Variants in CDKN2A observed in about 807,000 individuals in gnomAD.
The protein encoded by CDKN2A is cyclin-dependent kinase inhibitor 2A.
In CDKN2A, 3 loss-of-function variants were observed where a neutral mutation model predicts 11.1. The observed-to-expected ratio is 0.27, with a 90% CI of 0.12 to 0.70. The LOEUF (loss-of-function observed/expected upper bound fraction) is 0.70. Among genes scored for constraint, CDKN2A ranks in the 30% least tolerant of loss-of-function variants. The pLI is 0.77. For synonymous variants in CDKN2A, 122 were observed against 108.1 expected (o/e 1.13, Z -0.80); for missense variants, 265 against 233.6 (o/e 1.13, Z -0.88).
intron 2 of CDKN2A, among the ~76,000 whole-genome samples, chr9:21,982,731 A>C (rs1820222097): frequency 1.3e-5 from 2 of 152,078 alleles, no homozygotes; most frequent in African/African-American, 4.8e-5. Context: ...AAATTCATTA[A>C]AAGTTGCCAA....
intron 2 of CDKN2A, among the ~76,000 whole-genome samples, chr9:21,983,800 C>T (rs543518419): frequency 7.2e-5 from 11 of 151,958 alleles, no homozygotes; most frequent in Non-Finnish European, 1.2e-4. Context: ...AAATGCCAAC[C>T]ATATCCTTAA....
Position 21,994,607 on chromosome 9 carries a change from C to T in CDKN2A, c.-176+214G>A, listed in dbSNP as rs1310282758. On this transcript the variant is annotated intron_variant, in intron 1 of 3. Coordinates refer to the CDKN2A transcript ENST00000494262. ...CGCGGGAAGGGCTGCCGGAGGCGCC[C>T]GTAGGGAGGCGCGCGCGCGGGCGGC... is the stretch of plus-strand genomic sequence containing the variant. 1.0e-5 allele frequency: 6 copies of T among 602,640 alleles called. No homozygotes were observed. The South Asian group carries it at 2.0e-4, about 21-fold the overall frequency. The allele number at this position is 602,640 out of a possible 1,614,324, so 37.3% of individuals were successfully genotyped here.
intron 2 of CDKN2A, among the ~76,000 whole-genome samples, chr9:21,993,414 T>C (rs986004486): frequency 1.3e-5 from 2 of 152,192 alleles, no homozygotes; most frequent in Admixed American, 6.5e-5. Context: ...ATACTATCAG[T>C]TGGGATTTCT....
chr9:21,987,908 A>T lies in CDKN2A; in HGVS notation c.-4+5974T>A, dbSNP rs529343168. On this transcript the variant is annotated intron_variant, in intron 2 of 3. Coordinates refer to the CDKN2A transcript ENST00000494262. Reference sequence around the variant, plus strand: ...TCCTTCAAGTGTTTATTTAAAATGCAGATTTCTGGGACCCACAGCAAATCT... The same window carrying T: ...TCCTTCAAGTGTTTATTTAAAATGCTGATTTCTGGGACCCACAGCAAATCT... 2.6e-5 allele frequency among the ~76,000 whole-genome samples: 4 copies of T among 152,340 alleles called. No homozygotes were observed. In the South Asian group the frequency reaches 8.3e-4, roughly 32 times the overall value.
At chr9:21,989,494 C>T (rs781306818) in intron 2 of CDKN2A, 3 of 152,150 alleles carry the variant, frequency 2.0e-5, no homozygotes, top group Non-Finnish European at 4.4e-5. Flanking sequence ...CCATCCTGCA[C>T]CCCCAGATGG....
At chr9:21,983,800 CA>C (rs1177299377) in intron 2 of CDKN2A, among the ~76,000 whole-genome samples, 6 of 151,958 alleles carry the variant, frequency 3.9e-5, no homozygotes, top group African/African-American at 1.4e-4. Flanking sequence ...AAATGCCAAC[CA>C]TATCCTTAAT....
At position 21,974,296 on chromosome 9, in the gene CDKN2A, A is replaced by G. The variant is rs531309090; in HGVS notation, c.150+382T>C. 1.3e-4 allele frequency: 102 copies of G among 781,788 alleles called. No homozygotes were observed. The highest frequency in any genetic ancestry group is 1.8e-4 in the Non-Finnish European group (98 of 533,068). 48.4% of individuals were successfully genotyped at this position (781,788 alleles called of 1,614,324 possible). On this transcript the variant is annotated intron_variant, in intron 1 of 2. Transcript: ENST00000304494. This position sits in a 1 kb window ranked among gnomAD's most constrained non-coding sequence, Gnocchi z 5.2. ...CTAGTAAGAAAGATAAGCTCCATCCAGGTATCTGTGAATTGGAGGCTAAGT... is the reference window on the plus strand; with the variant it reads ...CTAGTAAGAAAGATAAGCTCCATCCGGGTATCTGTGAATTGGAGGCTAAGT...
chr9:21,970,698 C>T, intron 2 of CDKN2A: 2 of 661,670 alleles, frequency 3.0e-6, no homozygotes, highest in Non-Finnish European at 5.3e-6. Context: ...CTTTCACGTG[C>T]GCAAGTCCAT....
rs778971134 is a variant in CDKN2A at position 21,971,028 on chromosome 9, C to T, written c.331G>A (p.Gly111Ser). 6 of 1,606,720 alleles carry T rather than the reference C, an allele frequency of 3.7e-6. No individual in the cohort carries two copies. The highest frequency in any genetic ancestry group is 5.1e-6 in the Non-Finnish European group (6 of 1,179,504). The stretch of plus-strand genomic sequence containing the variant: ...TCAGCCAGGTCCACGGGCAGACGGC[C>T]CCAGGCATCGCGCACGTCCAGCCGC... ...GARLDVRDAW[G>S]RLPVDLAEEL... Residue 111 changes from glycine (G) to serine (S), a missense_variant, in exon 2 of 3, where the codon GGC becomes AGC. Transcript: ENST00000304494.
rs1223836404 is a variant in CDKN2A, at chr9:21,968,024, TA to T, written c.*204del. On this transcript the variant is annotated 3_prime_UTR_variant, in exon 3 of 3. Transcript: ENST00000304494. This position sits in a 1 kb window ranked among gnomAD's most constrained non-coding sequence, Gnocchi z 4.7. Reference sequence around the variant, plus strand: ...TTTTTTACATTTTTATAAGAATATATAAAAAATGATATAAATGGACATTTAC... The same window carrying T: ...TTTTTTACATTTTTATAAGAATATATAAAAATGATATAAATGGACATTTAC... The T allele has an allele frequency of 3.9e-5, 23 of 584,164 alleles. No homozygotes were observed. Among genetic ancestry groups the T allele is most frequent in the African/African-American group, 2.6e-4 (14 of 53,750 alleles). 36.2% of individuals were successfully genotyped at this position (584,164 alleles called of 1,614,324 possible). A position where few individuals can be genotyped will look rare whatever the true frequency, so the allele number is the denominator to read the frequency against.
intron 1 of CDKN2A, among the ~76,000 whole-genome samples, chr9:21,973,437 T>C (rs569209999): frequency 5.3e-5 from 8 of 152,326 alleles, no homozygotes; most frequent in African/African-American, 1.2e-4. Flanking sequence ...CCATTAAAAA[T>C]TGTCAAAACT....
upstream of CDKN2A, among the ~76,000 whole-genome samples, chr9:21,977,967 G>C (rs1240084587): frequency 6.6e-6 from 1 of 151,994 alleles, no homozygotes; most frequent in African/African-American, 2.4e-5. Context: ...ATTATAAACA[G>C]GTGTAAAAGT....
At position 21,968,554 on chromosome 9, in the gene CDKN2A, T is replaced by C; in HGVS notation, c.458-312A>G. ...CAAGAAGAAAACGAGTGTTATATAA[T>C]GAGTCTCAGTGGTTGCTCACAATGC... On this transcript the variant is annotated intron_variant, in intron 2 of 2. Transcript: ENST00000304494. This position sits in a 1 kb window ranked among gnomAD's most constrained non-coding sequence, Gnocchi z 4.7. The C allele has an allele frequency of 2.7e-6, 4 of 1,456,380 alleles. No individual in the cohort carries two copies. Among genetic ancestry groups the C allele is most frequent in the Non-Finnish European group, 3.6e-6 (4 of 1,112,096 alleles). The allele number at this position is 1,456,380 out of a possible 1,614,324, so 90.2% of individuals were successfully genotyped here.
upstream of CDKN2A, chr9:21,974,996 A>G: frequency 7.2e-7 from 1 of 1,387,758 alleles, no homozygotes; most frequent in South Asian, 1.7e-5. The surrounding 1 kb of genome is among the most constrained non-coding windows in gnomAD (Gnocchi z 5.2). Context: ...GGACCGCGGT[A>G]TCTTTCCAGG....
chr9:21,974,836 C>G lies in CDKN2A; in HGVS notation c.-9G>C, dbSNP rs2131114397. 6.3e-7 allele frequency: 1 copy of G among 1,575,018 alleles called. No homozygotes were observed. The highest frequency in any genetic ancestry group is 1.1e-5 in the South Asian group (1 of 87,640). On this transcript the variant is annotated 5_prime_UTR_variant, in exon 1 of 3. Transcript: ENST00000304494. This position sits in a 1 kb window ranked among gnomAD's most constrained non-coding sequence, Gnocchi z 5.2. The stretch of plus-strand genomic sequence containing the variant: ...CCCGCCGCCGGCTCCATGCTGCTCC[C>G]CGCCGCCCGCTGCCTGCTCTCCCCC...
chr9:21,988,744 C>T lies in CDKN2A; in HGVS notation c.-4+5138G>A, dbSNP rs1246146196. Among the ~76,000 whole-genome samples, 6 of 152,058 alleles carry T rather than the reference C, an allele frequency of 3.9e-5. No homozygotes were observed. Among genetic ancestry groups the T allele is most frequent in the Admixed American group, 3.9e-4 (6 of 15,268 alleles). ...TAATTAACCTGCACATGTGCCCTCT[C>T]CTCCTAAATAAAAGTTGAAAAAAAA... On this transcript the variant is annotated intron_variant, in intron 2 of 3. Transcript: ENST00000494262. This position sits in a 1 kb window ranked among gnomAD's most constrained non-coding sequence, Gnocchi z 4.1.
rs200667152 is a variant in CDKN2A, at chr9:21,968,180, G to A, written c.*49C>T. The A allele has an allele frequency of 1.3e-6, 2 of 1,579,346 alleles. No homozygotes were observed. Among genetic ancestry groups the A allele is most frequent in the East Asian group, 2.2e-5 (1 of 44,686 alleles). ...GTTGTGGCCCTGTAGGACCTTCGGT[G>A]ACTGATGATCTAAGTTTCCCGAGGT... On this transcript the variant is annotated 3_prime_UTR_variant, in exon 3 of 3. Transcript: ENST00000304494. This position sits in a 1 kb window ranked among gnomAD's most constrained non-coding sequence, Gnocchi z 4.7.
rs59981968 is a variant in CDKN2A at position 21,971,575 on chromosome 9, A to ATTTTTTTTTTTTTTTTTTTTTTTTTTTTT, written c.151-368_151-367insAAAAAAAAAAAAAAAAAAAAAAAAAAAAA. ...TCCTGAAATTATGTTAGGCCTGGAG[A>ATTTTTTTTTTTTTTTTTTTTTTTTTTTTT]TTTTTTTTTTTTTTTTTGTTCACTG... On this transcript the variant is annotated intron_variant, in intron 1 of 2. Transcript: ENST00000304494. Among the ~76,000 whole-genome samples the ATTTTTTTTTTTTTTTTTTTTTTTTTTTTT allele has an allele frequency of 2.5e-3, 277 of 111,314 alleles. 15 individuals carry two copies. The highest frequency in any genetic ancestry group is 5.1e-3 in the African/African-American group (117 of 22,880). The allele number at this position is 111,314 out of a possible 152,430, so 73.0% of individuals were successfully genotyped here. A position where few individuals can be genotyped will look rare whatever the true frequency, so the allele number is the denominator to read the frequency against.
Position 21,991,065 on chromosome 9 carries a change from T to G in CDKN2A, c.-4+2817A>C, listed in dbSNP as rs1820418811. Among the ~76,000 whole-genome samples, 1 of 152,328 alleles carries G rather than the reference T, an allele frequency of 6.6e-6. No individual in the cohort carries two copies. The highest frequency in any genetic ancestry group is 3.4e-3 in the Middle Eastern group (1 of 294). ...AAAATTCATATTCAATGTAAAAATT[T>G]TATATTTAGAAAATGAAACTGTACC... On this transcript the variant is annotated intron_variant, in intron 2 of 3. Transcript: ENST00000494262. The surrounding 1 kb of genome is among the most constrained non-coding windows in gnomAD (Gnocchi z 5.2).
Sources: gnomAD v4.1 joint callset for allele counts (sites outside exome capture counted in the v4.1 genomes callset) on GRCh38, gnomAD v4.1.1 for gene constraint, Gnocchi (gnomAD v3.1) non-coding constraint, MANE v1.5 for transcripts, NCBI Gene and HGNC (gene_info 2026-07-23, HGNC 2026-07-21) for gene names.